The following MYT1L variants were observed in gnomAD, a reference collection of about 807,000 sequenced individuals.
MYT1L encodes the protein myelin transcription factor 1-like protein.
In MYT1L, 12 loss-of-function variants were observed where a neutral mutation model predicts 126.7. The observed-to-expected ratio is 0.09, with a 90% confidence interval of 0.06 to 0.15. The LOEUF (loss-of-function observed/expected upper bound fraction) is 0.15, where lower values mean the gene tolerates loss of function less well. Ranked by LOEUF, MYT1L falls within the 10% of genes least tolerant of loss-of-function variation. The pLI is 1.00. For synonymous variants in MYT1L, 541 were observed against 604.2 expected, an observed-to-expected ratio of 0.90 and a Z score of 1.53; for missense variants, 979 against 1,585.2, an observed-to-expected ratio of 0.62 and a Z score of 6.49.
chr2:2,044,903 C>G (rs972495223), intron 4 of MYT1L, among the ~76,000 whole-genome samples: 4 of 152,196 alleles, frequency 2.6e-5, no homozygotes, highest in African/African-American at 9.7e-5. Flanking sequence ...ACAGCAGGTA[C>G]AACTGACACA....
At chr2:1,913,785 A>G (rs1454962669) in intron 11 of MYT1L, among the ~76,000 whole-genome samples, 1 of 151,902 alleles carries the variant, frequency 6.6e-6, no homozygotes, top group Non-Finnish European at 1.5e-5. Flanking sequence ...GGGAATGCAC[A>G]CTCCCAGCCT....
chr2:2,195,136 A>G (rs2092744330), intron 2 of MYT1L, among the ~76,000 whole-genome samples: 1 of 152,252 alleles, frequency 6.6e-6, no homozygotes, highest in Non-Finnish European at 1.5e-5. Flanking sequence ...AAATCCAGAG[A>G]GTAAGACCTA....
chr2:2,297,467 A>G (rs1275915727), intron 1 of MYT1L, among the ~76,000 whole-genome samples: 2 of 152,148 alleles, frequency 1.3e-5, no homozygotes, highest in African/African-American at 4.8e-5. Flanking sequence ...CCTGCTCTCT[A>G]CTACCAGTAC....
chr2:2,165,288 T>TCACA (rs34958118), intron 3 of MYT1L, among the ~76,000 whole-genome samples: 91 of 148,574 alleles, frequency 6.1e-4, no homozygotes, highest in Middle Eastern at 3.5e-3. Context: ...CACAAACCAA[T>TCACA]CACACACACA....
chr2:2,298,759 C>T (rs957751141), intron 1 of MYT1L, among the ~76,000 whole-genome samples: 3 of 152,314 alleles, frequency 2.0e-5, no homozygotes, highest in Admixed American at 6.5e-5. Flanking sequence ...AGGTGGCACC[C>T]TCACTGAAGT....
intron 3 of MYT1L, among the ~76,000 whole-genome samples, chr2:2,153,639 T>A (rs1379839158): frequency 6.6e-6 from 1 of 152,168 alleles, no homozygotes; most frequent in Non-Finnish European, 1.5e-5. Context: ...AAAGTAATTT[T>A]AAAATGTCTA....
rs773947632 is a variant in MYT1L, at chr2:2,291,991, G to A, written c.-520-7488C>T. ...CAGGGCGGGGCGGGTGGCTGTGCCC[G>A]GGCTGAGAGGAGCGGGTGGGGCCCG... On this transcript the variant is annotated intron_variant, in intron 1 of 24. Transcript: ENST00000647738. 1.1e-3 allele frequency among the ~76,000 whole-genome samples: 161 copies of A among 152,362 alleles called. 2 individuals carry two copies. Among genetic ancestry groups the A allele is most frequent in the Middle Eastern group, 3.4e-3 (1 of 294 alleles).
chr2:1,958,613 C>T (rs1179701861), intron 8 of MYT1L, among the ~76,000 whole-genome samples: 2 of 152,194 alleles, frequency 1.3e-5, no homozygotes, highest in African/African-American at 2.4e-5. Flanking sequence ...AGCTGCTGCC[C>T]TCCGTCAGAG....
chr2:2,321,710 A>C (rs2096170278), intron 1 of MYT1L, among the ~76,000 whole-genome samples: 1 of 152,198 alleles, frequency 6.6e-6, no homozygotes, highest in South Asian at 2.1e-4. Flanking sequence ...TGTACTAAAA[A>C]AAAAGACCCC....
At chr2:2,254,300 C>T (rs929586386) in intron 2 of MYT1L, among the ~76,000 whole-genome samples, 11 of 152,154 alleles carry the variant, frequency 7.2e-5, no homozygotes, top group Non-Finnish European at 5.9e-5. Context: ...GACCTGGATT[C>T]GGGATTTAGA....
intron 8 of MYT1L, among the ~76,000 whole-genome samples, chr2:1,955,223 G>A (rs2058242427): frequency 6.6e-6 from 1 of 150,878 alleles, no homozygotes; most frequent in South Asian, 2.1e-4. Flanking sequence ...AAAAAAAAAT[G>A]GCTAAAGATG....
intron 1 of MYT1L, among the ~76,000 whole-genome samples, chr2:2,296,849 C>T (rs1392219624): frequency 3.9e-5 from 6 of 152,194 alleles, no homozygotes; most frequent in Non-Finnish European, 1.5e-5. Flanking sequence ...CCAGGCCTCA[C>T]CGGTGTGTGC....
chr2:2,225,345 A>T (rs920011975), intron 2 of MYT1L, among the ~76,000 whole-genome samples: 1 of 152,144 alleles, frequency 6.6e-6, no homozygotes, highest in Admixed American at 6.5e-5. Context: ...CATTGGCAGG[A>T]ATGGGGATGG....
intron 3 of MYT1L, among the ~76,000 whole-genome samples, chr2:2,088,510 C>T (rs1286415446): frequency 6.6e-6 from 1 of 152,096 alleles, no homozygotes; most frequent in African/African-American, 2.4e-5. Context: ...TTCCCCTGGG[C>T]CCTGAAGTGA....
intron 2 of MYT1L, among the ~76,000 whole-genome samples, chr2:2,269,439 A>T (rs2149332740): frequency 6.6e-6 from 1 of 152,232 alleles, no homozygotes; most frequent in East Asian, 1.9e-4. Flanking sequence ...TTGCCATCTC[A>T]TGAAGGTTGT....
chr2:1,861,735 GCAGCCTGTGTAATCCTGGATACTCCTC>G (rs2044659443), intron 18 of MYT1L, among the ~76,000 whole-genome samples: 1 of 152,342 alleles, frequency 6.6e-6, no homozygotes, highest in African/African-American at 2.4e-5. Flanking sequence ...GGATCTGTGT[GCAGCCTGTGTAATCCTGGATACTCCTC>G]CAGCCTGTGT....
intron 3 of MYT1L, among the ~76,000 whole-genome samples, chr2:2,076,995 A>G (rs990394104): frequency 2.0e-5 from 3 of 152,310 alleles, no homozygotes; most frequent in Admixed American, 2.0e-4. Flanking sequence ...CAATACAGAA[A>G]TAGATATTAT....
chr2:1,814,746 A>G (rs762553572), intron 21 of MYT1L, among the ~76,000 whole-genome samples: 1 of 152,120 alleles, frequency 6.6e-6, no homozygotes, highest in African/African-American at 2.4e-5. Flanking sequence ...CCCACAGTGC[A>G]CTAAATGCTT....
intron 8 of MYT1L, among the ~76,000 whole-genome samples, chr2:1,955,853 T>C (rs2058295820): frequency 6.6e-6 from 1 of 152,230 alleles, no homozygotes; most frequent in African/African-American, 2.4e-5. Context: ...CAAATGACCA[T>C]TAGAAATACT....
Sources: allele counts gnomAD v4.1 joint callset (sites outside exome capture counted in the v4.1 genomes callset), GRCh38; gene constraint gnomAD v4.1.1; transcripts MANE v1.5; gene names NCBI Gene and HGNC (gene_info 2026-07-23, HGNC 2026-07-21).